The following CNTNAP5 variants were observed in gnomAD, a reference collection of about 807,000 sequenced individuals.
The protein encoded by CNTNAP5 is contactin-associated protein-like 5.
In CNTNAP5, 72 loss-of-function variants were observed where a neutral mutation model predicts 150.2. The ratio of observed to expected loss-of-function variants is 0.48; its 90% CI spans 0.40 to 0.58. The LOEUF (loss-of-function observed/expected upper bound fraction) is 0.58. CNTNAP5 is among the 20% of genes least tolerant of loss of function. The pLI, the probability that CNTNAP5 is intolerant of heterozygous loss-of-function variation, is 0.00. For missense variants in CNTNAP5, 1,636 were observed against 1,626.2 expected (o/e 1.01, Z -0.10); for synonymous variants, 672 against 619.8 (o/e 1.08, Z -1.25).
At chr2:124,265,297 T>C (rs770825314) in intron 3 of CNTNAP5, among the ~76,000 whole-genome samples, 1 of 152,150 alleles carries the variant, frequency 6.6e-6, no homozygotes. Flanking sequence ...CCTCATTCCT[T>C]GGTGTCAATT....
chr2:124,026,945 T>C (rs1389191042), intron 1 of CNTNAP5, among the ~76,000 whole-genome samples: 1 of 152,180 alleles, frequency 6.6e-6, no homozygotes, highest in African/African-American at 2.4e-5. Flanking sequence ...ATGTGGTGTA[T>C]AGAAAAATGT....
chr2:124,170,271 C>A (rs62163906), intron 1 of CNTNAP5, among the ~76,000 whole-genome samples: 4 of 149,574 alleles, frequency 2.7e-5, no homozygotes, highest in Admixed American at 6.6e-5. Context: ...TTTGTTTTTC[C>A]TGAAAGGGCA....
chr2:124,516,357 G>A (rs150233160), intron 8 of CNTNAP5, among the ~76,000 whole-genome samples: 2 of 152,288 alleles, frequency 1.3e-5, no homozygotes, highest in African/African-American at 4.8e-5. Flanking sequence ...TGTTAAATAA[G>A]AGCATGTATG....
intron 21 of CNTNAP5, among the ~76,000 whole-genome samples, chr2:124,902,314 A>T (rs948218258): frequency 3.9e-5 from 6 of 152,190 alleles, no homozygotes; most frequent in Non-Finnish European, 8.8e-5. Flanking sequence ...AATCAGTTCC[A>T]TGGACAGAAC....
chr2:124,665,885 C>CAA (rs34611958), intron 13 of CNTNAP5, among the ~76,000 whole-genome samples: 36,282 of 141,966 alleles, frequency 0.26, 4,835 homozygotes, highest in African/African-American at 0.36. Flanking sequence ...GACTCCGTCT[C>CAA]AAAAAAAAAA....
chr2:124,391,005 G>A (rs1413637682), intron 3 of CNTNAP5, among the ~76,000 whole-genome samples: 1 of 152,190 alleles, frequency 6.6e-6, no homozygotes, highest in Non-Finnish European at 1.5e-5. Context: ...GCATGGTCCA[G>A]TTAGAAAAGT....
At chr2:124,350,875 C>G (rs7609391) in intron 3 of CNTNAP5, among the ~76,000 whole-genome samples, 2 of 151,652 alleles carry the variant, frequency 1.3e-5, no homozygotes, top group African/African-American at 4.8e-5. Context: ...CCTTTTTTTT[C>G]GGCATGTTGC....
chr2:124,367,841 A>G (rs956043931), intron 3 of CNTNAP5, among the ~76,000 whole-genome samples: 6 of 152,194 alleles, frequency 3.9e-5, no homozygotes, highest in African/African-American at 1.2e-4. Context: ...ACAATTACTT[A>G]TAGAAAGAAA....
chr2:124,520,440 C>T (rs933249645), intron 8 of CNTNAP5, among the ~76,000 whole-genome samples: 131 of 152,242 alleles, frequency 8.6e-4, no homozygotes, highest in African/African-American at 2.9e-3. Flanking sequence ...TGGTGTATTG[C>T]CTTCCAGAAA....
At chr2:124,708,928 G>A (rs1679749552) in intron 13 of CNTNAP5, among the ~76,000 whole-genome samples, 1 of 152,052 alleles carries the variant, frequency 6.6e-6, no homozygotes, top group Non-Finnish European at 1.5e-5. Context: ...TCTGCAACCT[G>A]GGCAGAGGGC....
chr2:124,673,840 C>T (rs1380235435), intron 13 of CNTNAP5, among the ~76,000 whole-genome samples: 1 of 150,314 alleles, frequency 6.7e-6, no homozygotes, highest in African/African-American at 2.4e-5. Context: ...TGATAAGGTA[C>T]TCATTTTTAA....
At chr2:124,468,948 A>AGC (rs1480687129) in intron 6 of CNTNAP5, among the ~76,000 whole-genome samples, 4 of 152,210 alleles carry the variant, frequency 2.6e-5, no homozygotes, top group Non-Finnish European at 5.9e-5. Flanking sequence ...GATCATGCTG[A>AGC]ACTTGAGACA....
chr2:124,435,489 AAAAG>A (rs1176151357), intron 5 of CNTNAP5, among the ~76,000 whole-genome samples: 1 of 152,182 alleles, frequency 6.6e-6, no homozygotes, highest in Non-Finnish European at 1.5e-5. Flanking sequence ...TTCTATAGAA[AAAAG>A]AAAGAAAGAA....
chr2:124,299,092 G>A (rs1208186647), intron 3 of CNTNAP5, among the ~76,000 whole-genome samples: 1 of 152,122 alleles, frequency 6.6e-6, no homozygotes, highest in Non-Finnish European at 1.5e-5. Flanking sequence ...ACAGGGACAC[G>A]TCACAAACCC....
At chr2:124,368,388 C>T (rs1456895889) in intron 3 of CNTNAP5, among the ~76,000 whole-genome samples, 3 of 152,076 alleles carry the variant, frequency 2.0e-5, no homozygotes, top group Non-Finnish European at 2.9e-5. Context: ...AGATGTGCTG[C>T]TCGGAATAAA....
chr2:124,233,180 A>G (rs1470980034), intron 2 of CNTNAP5, among the ~76,000 whole-genome samples: 1 of 152,124 alleles, frequency 6.6e-6, no homozygotes, highest in African/African-American at 2.4e-5. Context: ...ATTGTCCTGG[A>G]ACTGATAAGC....
chr2:124,095,905 C>A (rs938182252), intron 1 of CNTNAP5, among the ~76,000 whole-genome samples: 8 of 151,806 alleles, frequency 5.3e-5, no homozygotes, highest in Non-Finnish European at 1.2e-4. Context: ...CATCGTTAGC[C>A]CCATTTTCTA....
At chr2:124,318,609 A>C (rs1259488425) in intron 3 of CNTNAP5, among the ~76,000 whole-genome samples, 1 of 152,224 alleles carries the variant, frequency 6.6e-6, no homozygotes, top group African/African-American at 2.4e-5. Flanking sequence ...GAAAAACAGC[A>C]CTTAGAGTTT....
At chr2:124,503,581 G>A (rs1247527998) in intron 7 of CNTNAP5, among the ~76,000 whole-genome samples, 1 of 152,094 alleles carries the variant, frequency 6.6e-6, no homozygotes, top group African/African-American at 2.4e-5. Flanking sequence ...CTTTTACTAA[G>A]TTAAATATAT....
Sources: gnomAD v4.1 joint callset for allele counts (sites outside exome capture counted in the v4.1 genomes callset) on GRCh38, gnomAD v4.1.1 for gene constraint, MANE v1.5 for transcripts, NCBI Gene and HGNC (gene_info 2026-07-23, HGNC 2026-07-21) for gene names.